FOXK2: variants seen among roughly 807,000 people sequenced by gnomAD.
FOXK2 encodes forkhead box protein K2.
FOXK2 carries 24 observed loss-of-function variants against 53.3 expected under a neutral mutation model. The ratio of observed to expected loss-of-function variants is 0.45; its 90% CI spans 0.33 to 0.63. The LOEUF is 0.63. FOXK2 is among the 30% of genes least tolerant of loss of function. The probability of loss-of-function intolerance (pLI) is 0.03; values close to 1 mark genes in which losing one functional copy is unlikely to be tolerated. For synonymous variants in FOXK2, 505 were observed against 407.1 expected (o/e 1.24, Z -2.89); for missense variants, 952 against 910.5 (o/e 1.05, Z -0.59).
At chr17:82,540,557 C>T (rs940212777) in intron 1 of FOXK2, among the ~76,000 whole-genome samples, 4 of 152,122 alleles carry the variant, frequency 2.6e-5, no homozygotes, top group Admixed American at 6.6e-5. Flanking sequence ...TGTCTTTTCT[C>T]CTGGAGTTGG....
In FOXK2 at chr17:82,552,252, A is replaced by G. The variant is rs1567971477; in HGVS notation, c.420-11102A>G. The stretch of plus-strand genomic sequence containing the variant: ...AAGCAAAATTGCAAAAATAGTACAG[A>G]GAACTTCCGTTTTCCCAGATTCCCA... On this transcript the variant is annotated intron_variant, in intron 1 of 8. Coordinates refer to ENST00000335255, the MANE Select transcript of FOXK2 (RefSeq NM_004514.4). Among the ~76,000 whole-genome samples the G allele has an allele frequency of 1.3e-5, 2 of 152,216 alleles. 1 individual carries two copies. Among genetic ancestry groups the G allele is most frequent in the South Asian group, 4.1e-4 (2 of 4,830 alleles).
At chr17:82,537,234 T>C (rs900658384) in intron 1 of FOXK2, among the ~76,000 whole-genome samples, 1 of 152,178 alleles carries the variant, frequency 6.6e-6, no homozygotes, top group Non-Finnish European at 1.5e-5. Flanking sequence ...GTTGACTGAA[T>C]TGGTATGATG....
chr17:82,552,294 C>G (rs2044684739), intron 1 of FOXK2, among the ~76,000 whole-genome samples: 1 of 152,212 alleles, frequency 6.6e-6, no homozygotes, highest in Non-Finnish European at 1.5e-5. Flanking sequence ...TAGTGTTTCA[C>G]CAAACCCGCA....
chr17:82,573,556 TCTCTCTCACACACACACACACACACA>T (rs2044945584), intron 4 of FOXK2, among the ~76,000 whole-genome samples: 1 of 116,564 alleles, frequency 8.6e-6, no homozygotes, highest in South Asian at 3.2e-4. Context: ...TCTCTCTCTC[TCTCTCTCACACACACACACACACACA>T]CACACACACA....
At chr17:82,565,693 T>C (rs957263611) in intron 2 of FOXK2, among the ~76,000 whole-genome samples, 6 of 152,160 alleles carry the variant, frequency 3.9e-5, no homozygotes, top group African/African-American at 1.4e-4. Context: ...ATTGGAACTG[T>C]TGTGTGCTGT....
At chr17:82,576,001 C>T (rs2044979778) in intron 4 of FOXK2, among the ~76,000 whole-genome samples, 1 of 87,588 alleles carries the variant, frequency 1.1e-5, no homozygotes, top group South Asian at 4.7e-4. Context: ...CACGTCCACA[C>T]CAGCGTGTGT....
intron 1 of FOXK2, among the ~76,000 whole-genome samples, chr17:82,545,292 A>G (rs2144080771): frequency 6.6e-6 from 1 of 152,290 alleles, no homozygotes; most frequent in South Asian, 2.1e-4. Flanking sequence ...CCCGAATTCT[A>G]AACCATAAAT....
intron 8 of FOXK2, among the ~76,000 whole-genome samples, chr17:82,592,521 C>T (rs2143155663): frequency 6.6e-6 from 1 of 152,340 alleles, no homozygotes; most frequent in South Asian, 2.1e-4. Flanking sequence ...GCCTGACCAG[C>T]CCTGCTGGGA....
chr17:82,594,929 C>T (rs544814292), intron 8 of FOXK2, among the ~76,000 whole-genome samples: 2 of 152,248 alleles, frequency 1.3e-5, no homozygotes, highest in East Asian at 3.9e-4. Context: ...TAGTCCCAGC[C>T]ACCAAGAGGC....
intron 8 of FOXK2, among the ~76,000 whole-genome samples, chr17:82,591,327 G>A (rs554606009): frequency 9.2e-5 from 14 of 152,162 alleles, no homozygotes; most frequent in Admixed American, 5.2e-4. Flanking sequence ...GGCCTGTCAG[G>A]TTCACCAGGG....
chr17:82,563,750 C>CTTTTTTTTTTTTTTTTTT (rs1567975420), intron 2 of FOXK2, among the ~76,000 whole-genome samples: 1 of 94,616 alleles, frequency 1.1e-5, no homozygotes, highest in Non-Finnish European at 2.2e-5. Flanking sequence ...TTACTCATTC[C>CTTTTTTTTTTTTTTTTTT]CTTTTTTTTT....
chr17:82,534,404 T>C (rs780284676), intron 1 of FOXK2, among the ~76,000 whole-genome samples: 36 of 152,208 alleles, frequency 2.4e-4, no homozygotes, highest in Non-Finnish European at 4.6e-4. Context: ...GGCTCTAATA[T>C]AGGAACAAGT....
intron 2 of FOXK2, 30 bp downstream of exon 2, chr17:82,563,578 A>G (rs775192234): frequency 1.9e-6 from 3 of 1,587,570 alleles, no homozygotes; most frequent in Admixed American, 3.5e-5. Flanking sequence ...GGACTGGAGC[A>G]TCCTTAGTCC....
chr17:82,574,227 C>T (rs764399031), intron 4 of FOXK2, among the ~76,000 whole-genome samples: 3 of 152,174 alleles, frequency 2.0e-5, no homozygotes, highest in Non-Finnish European at 4.4e-5. Context: ...AAGGCCACTC[C>T]TGTGTCATTT....
At chr17:82,545,075 T>C (rs533396937) in intron 1 of FOXK2, among the ~76,000 whole-genome samples, 2 of 152,348 alleles carry the variant, frequency 1.3e-5, no homozygotes, top group African/African-American at 4.8e-5. Flanking sequence ...CCTAGTGGTT[T>C]CTCACTTGGA....
intron 6 of FOXK2, among the ~76,000 whole-genome samples, chr17:82,584,897 T>C (rs1481142299): frequency 6.6e-6 from 1 of 152,206 alleles, no homozygotes; most frequent in East Asian, 1.9e-4. Flanking sequence ...TGCAGTTTAC[T>C]TAGTCATAAT....
chr17:82,569,157 A>G (rs1346970766), intron 3 of FOXK2, among the ~76,000 whole-genome samples: 2 of 152,226 alleles, frequency 1.3e-5, no homozygotes, highest in Non-Finnish European at 2.9e-5. Flanking sequence ...GAGTGGAAGA[A>G]AGAGAGTAAG....
At chr17:82,566,112 T>G (rs956216459) in intron 2 of FOXK2, among the ~76,000 whole-genome samples, 18 of 152,066 alleles carry the variant, frequency 1.2e-4, no homozygotes, top group African/African-American at 4.1e-4. Context: ...GAGCTTCAGT[T>G]TGGGAAATGA....
chr17:82,584,106 G>C lies in FOXK2; in HGVS notation c.1197G>C (p.Pro399=). The change falls in exon 6 of 9, where the codon CCG becomes CCC. Residue 399 remains proline, a synonymous_variant. Coordinates refer to ENST00000335255, the MANE Select transcript of FOXK2 (RefSeq NM_004514.4). ...TPESLSREGS[P]APLEPEPGAA... Reference sequence around the variant, plus strand: ...AGAGCCTGTCGAGGGAAGGTTCGCCGGCCCCCCTGGAGCCTGAGCCTGGCG... The same window carrying C: ...AGAGCCTGTCGAGGGAAGGTTCGCCCGCCCCCCTGGAGCCTGAGCCTGGCG... The C allele has an allele frequency of 6.2e-7, 1 of 1,611,180 alleles. No homozygotes were observed. The highest frequency in any genetic ancestry group is 8.5e-7 in the Non-Finnish European group (1 of 1,179,828).
Sources: allele counts gnomAD v4.1 joint callset (sites outside exome capture counted in the v4.1 genomes callset), GRCh38; gene constraint gnomAD v4.1.1; transcripts MANE v1.5; gene names NCBI Gene and HGNC (gene_info 2026-07-23, HGNC 2026-07-21).